The following AKR1B1 variants were observed in gnomAD, a reference collection of about 807,000 sequenced individuals.
AKR1B1 encodes the protein aldo-keto reductase family 1 member B1.
A neutral mutation model predicts 40.4 loss-of-function variants in AKR1B1; 22 were observed. That is an observed-to-expected ratio of 0.54 (90% CI 0.39 to 0.78). AKR1B1 has a LOEUF of 0.78. AKR1B1 is among the 30% of genes least tolerant of loss of function. The pLI is 0.00. For missense variants in AKR1B1, 357 were observed against 396.7 expected, an observed-to-expected ratio of 0.90 and a Z score of 0.85; for synonymous variants, 157 against 149.9, an observed-to-expected ratio of 1.05 and a Z score of -0.35.
At chr7:134,447,762 C>A in intron 7 of AKR1B1, 1 of 650,802 alleles carries the variant, frequency 1.5e-6, no homozygotes. Flanking sequence ...TCGTGGCAGT[C>A]ACCCTTGCAG....
Position 134,447,980 on chromosome 7 carries a change from C to G in AKR1B1, c.741G>C (p.Gln247His), listed in dbSNP as rs1806154668. 2 of 1,611,860 alleles carry G rather than the reference C, an allele frequency of 1.2e-6. No individual in the cohort carries two copies. The highest frequency in any genetic ancestry group is 8.5e-7 in the Non-Finnish European group (1 of 1,179,380). Reference sequence around the variant, plus strand: ...TCAGCAACACCTGAAGTGGCTGTACCTGGGCTGTAGTTTTATTGTGCTTGG... The same window carrying G: ...TCAGCAACACCTGAAGTGGCTGTACGTGGGCTGTAGTTTTATTGTGCTTGG... Reference protein sequence around the residue: ...IAAKHNKTTAQVLIRFPMQRN... With the variant: ...IAAKHNKTTAHVLIRFPMQRN... The change falls in exon 7 of 10, where the codon CAG becomes CAC. Residue 247 changes from glutamine to histidine, a missense_variant and splice_region_variant. Physicochemically the swap from Gln to His is conservative, Grantham distance 24. Coordinates refer to ENST00000285930, the MANE Select transcript of AKR1B1 (RefSeq NM_001628.4).
At chr7:134,449,556 C>T in intron 4 of AKR1B1, 164 bp downstream of exon 4, 1 of 677,806 alleles carries the variant, frequency 1.5e-6, no homozygotes, top group Non-Finnish European at 2.6e-6. Context: ...CACTGCACTC[C>T]AGCCTGGGCA....
chr7:134,457,332 G>A (rs113758413), intron 1 of AKR1B1, among the ~76,000 whole-genome samples: 73 of 152,264 alleles, frequency 4.8e-4, no homozygotes, highest in African/African-American at 1.4e-3. Context: ...ATATCTGTGC[G>A]TTGCATCATG....
chr7:134,456,204 TTTGG>T (rs1806466701), intron 1 of AKR1B1, among the ~76,000 whole-genome samples: 1 of 151,968 alleles, frequency 6.6e-6, no homozygotes, highest in Admixed American at 6.5e-5. Context: ...GGTTTTTTTG[TTTGG>T]TTGTTTTTTT....
intron 8 of AKR1B1, among the ~76,000 whole-genome samples, chr7:134,447,052 G>C (rs1412257366): frequency 6.6e-6 from 1 of 152,170 alleles, no homozygotes; most frequent in Non-Finnish European, 1.5e-5. Context: ...TGTGGCTGAA[G>C]GGCCTGAGCA....
rs1365298207 is a variant in AKR1B1, at chr7:134,442,620, T to C, written c.*108A>G. The C allele has an allele frequency of 2.8e-6, 3 of 1,081,978 alleles. No individual in the cohort carries two copies. In the East Asian group the frequency reaches 7.4e-5, roughly 27 times the overall value. 67.0% of individuals were successfully genotyped at this position (1,081,978 alleles called of 1,614,324 possible). A position where few individuals can be genotyped will look rare whatever the true frequency, so the allele number is the denominator to read the frequency against. ...ACGCCCTCGCTGGCCACTCTACAGG[T>C]TGCTGTCCCACTGCTGAGTGACACA... On this transcript the variant is annotated 3_prime_UTR_variant, in exon 10 of 10. Transcript: ENST00000285930.
intron 3 of AKR1B1, among the ~76,000 whole-genome samples, chr7:134,450,031 C>T (rs897187871): frequency 1.4e-4 from 21 of 152,186 alleles, no homozygotes; most frequent in African/African-American, 4.8e-4. Flanking sequence ...AGACTAGCCC[C>T]GCCACTGACT....
At chr7:134,447,448 T>TCA in intron 7 of AKR1B1, 67 bp from the exon 8 acceptor site, 3 of 1,347,764 alleles carry the variant, frequency 2.2e-6, no homozygotes, top group Admixed American at 3.4e-5. Flanking sequence ...TCTCAGTCTC[T>TCA]CACACACACA....
chr7:134,447,212 A>G lies in AKR1B1; in HGVS notation c.825+86T>C, dbSNP rs1395206165. The G allele has an allele frequency of 8.9e-6, 11 of 1,229,442 alleles. No homozygotes were observed. The African/African-American group carries it at 1.2e-4, about 13-fold the overall frequency. The allele number at this position is 1,229,442 out of a possible 1,614,324, so 76.2% of individuals were successfully genotyped here. On this transcript the variant is annotated intron_variant, in intron 8 of 9. Transcript: ENST00000285930. ...GAAGAGAGGATGGTGGTGATCCCAC[A>G]GATGACACTCCAGAGACAGGATGAG... is the stretch of plus-strand genomic sequence containing the variant.
In AKR1B1 at chr7:134,448,069, TAGAA is replaced by T. The variant is rs780292816; in HGVS notation, c.660-12_660-9del. 7 of 1,608,686 alleles carry T rather than the reference TAGAA, an allele frequency of 4.4e-6. No homozygotes were observed. The South Asian group carries it at 5.5e-5, about 13-fold the overall frequency. ...GGGTCCTCGGGCTTGGCCCTGAGGA[TAGAA>T]AGACAGTCCAGGTCACACCATCATG... On this transcript the variant is annotated splice_polypyrimidine_tract_variant and intron_variant, in intron 6 of 9. Coordinates refer to ENST00000285930, the MANE Select transcript of AKR1B1 (RefSeq NM_001628.4).
intron 4 of AKR1B1, 120 bp downstream of exon 4, chr7:134,449,600 G>T: frequency 1.2e-6 from 1 of 835,600 alleles, no homozygotes; most frequent in Non-Finnish European, 2.0e-6. Flanking sequence ...AAAAAAAAAA[G>T]AGAGAGCAAA....
At chr7:134,452,421 C>T (rs1039132271) in intron 1 of AKR1B1, among the ~76,000 whole-genome samples, 5 of 152,134 alleles carry the variant, frequency 3.3e-5, no homozygotes, top group Admixed American at 6.5e-5. Context: ...TAAAGGGAAA[C>T]GAGGGGGAAT....
At chr7:134,454,830 G>C (rs1026537353) in intron 1 of AKR1B1, among the ~76,000 whole-genome samples, 1 of 152,204 alleles carries the variant, frequency 6.6e-6, no homozygotes, top group Non-Finnish European at 1.5e-5. Context: ...ATCAGGTTTG[G>C]CAGCAGAAAT....
chr7:134,451,829 G>T lies in AKR1B1; in HGVS notation c.67-76C>A, dbSNP rs371855808. 27 of 1,509,420 alleles carry T rather than the reference G, an allele frequency of 1.8e-5. No individual in the cohort carries two copies. The East Asian group carries it at 1.9e-4, about 11-fold the overall frequency. 93.5% of individuals were successfully genotyped at this position (1,509,420 alleles called of 1,614,324 possible). A position where few individuals can be genotyped will look rare whatever the true frequency, so the allele number is the denominator to read the frequency against. ...AGGAGGAGGGGCAGTGGCAGCCACC[G>T]ATACCTGCTGACCAGCCTGCCACTT... On this transcript the variant is annotated intron_variant, in intron 1 of 9. Coordinates refer to ENST00000285930, the MANE Select transcript of AKR1B1 (RefSeq NM_001628.4).
At chr7:134,446,263 T>C (rs1264478648) in intron 8 of AKR1B1, among the ~76,000 whole-genome samples, 1 of 152,222 alleles carries the variant, frequency 6.6e-6, no homozygotes. Context: ...ACTTAGAACA[T>C]CTACCTGCAC....
Position 134,447,244 on chromosome 7 carries a change from C to T in AKR1B1, c.825+54G>A, listed in dbSNP as rs1037224759. 3.2e-5 allele frequency: 47 copies of T among 1,456,506 alleles called. 1 individual carries two copies. In the African/African-American group the frequency reaches 4.7e-4, roughly 15 times the overall value. 90.2% of individuals were successfully genotyped at this position (1,456,506 alleles called of 1,614,324 possible). A position where few individuals can be genotyped will look rare whatever the true frequency, so the allele number is the denominator to read the frequency against. ...ACTCCAGAGACAGGATGAGAGGCCT[C>T]CCCCATCCCCCACTCCATGGAGGAG... is the stretch of plus-strand genomic sequence containing the variant. On this transcript the variant is annotated intron_variant, in intron 8 of 9. Transcript: ENST00000285930.
At position 134,451,650 on chromosome 7, in the gene AKR1B1, A is replaced by G. The variant is rs1436218117; in HGVS notation, c.170T>C (p.Val57Ala). 9.3e-6 allele frequency: 15 copies of G among 1,613,600 alleles called. No individual in the cohort carries two copies. Among genetic ancestry groups the G allele is most frequent in the Non-Finnish European group, 1.3e-5 (15 of 1,179,972 alleles). Reference protein sequence around the residue: ...HVYQNENEVGVAIQEKLREQV... With the variant: ...HVYQNENEVGAAIQEKLREQV... ...CTCCCTGAGCTTCTCCTGAATGGCC[A>G]CCCCCACCTCATTCTCATTCTGGTA... is the stretch of plus-strand genomic sequence containing the variant. Residue 57 changes from valine to alanine, a missense_variant, in exon 2 of 10, where the codon GTG (valine) becomes GCG (alanine). Val to Ala is a moderately conservative substitution (Grantham distance 64). Transcript: ENST00000285930.
At chr7:134,451,909 C>T (rs1017884629) in intron 1 of AKR1B1, 156 bp from the exon 2 acceptor site, 32 of 781,400 alleles carry the variant, frequency 4.1e-5, no homozygotes, top group Middle Eastern at 5.9e-4. Flanking sequence ...GGACTATCAG[C>T]CTCAGACGCG....
chr7:134,448,425 C>A lies in AKR1B1; in HGVS notation c.621G>T (p.Val207=). The change falls in exon 6 of 10, where the codon GTG becomes GTT. Residue 207 remains valine (V), a synonymous_variant. Transcript: ENST00000285930. ...IQYCQSKGIV[V]TAYSPLGSPD... Reference sequence around the variant, plus strand: ...GAGAGCCGAGGGGGCTGTAGGCGGTCACCACGATGCCTTTGGACTGGCAGT... The same window carrying A: ...GAGAGCCGAGGGGGCTGTAGGCGGTAACCACGATGCCTTTGGACTGGCAGT... The A allele has an allele frequency of 6.2e-7, 1 of 1,613,858 alleles. No homozygotes were observed. The highest frequency in any genetic ancestry group is 1.1e-5 in the South Asian group (1 of 91,054).
Sources: gnomAD v4.1 joint callset for allele counts (sites outside exome capture counted in the v4.1 genomes callset) on GRCh38, gnomAD v4.1.1 for gene constraint, MANE v1.5 for transcripts, NCBI Gene and HGNC (gene_info 2026-07-23, HGNC 2026-07-21) for gene names.